ARHGAP6: variants seen among roughly 807,000 people sequenced by gnomAD.
ARHGAP6 encodes the protein rho GTPase-activating protein 6.
A neutral mutation model predicts 55.7 loss-of-function variants in ARHGAP6; 16 were observed. That is an observed-to-expected ratio of 0.29 (90% CI 0.19 to 0.44). The LOEUF is 0.44. Ranked by LOEUF, ARHGAP6 falls within the 20% of genes least tolerant of loss-of-function variation. ARHGAP6 has a pLI of 1.00. For missense variants in ARHGAP6, 698 were observed against 808.9 expected, an observed-to-expected ratio of 0.86 and a Z score of 1.66; for synonymous variants, 382 against 360.9, an observed-to-expected ratio of 1.06 and a Z score of -0.66.
intron 1 of ARHGAP6, among the ~76,000 whole-genome samples, chrX:11,288,139 TCCTTATTTATTATATC>T (rs1449139695): frequency 1.8e-5 from 2 of 112,929 alleles, no homozygotes; most frequent in African/African-American, 6.4e-5. Context: ...TCTTCTGCTG[TCCTTATTTATTATATC>T]CATTGTTCAT....
At chrX:11,604,421 TAGTGGCTCAAGTTTGAGTCACAA>T (rs774435273) in intron 1 of ARHGAP6, among the ~76,000 whole-genome samples, 37 of 111,893 alleles carry the variant, frequency 3.3e-4, no homozygotes, top group South Asian at 1.5e-3. Flanking sequence ...AACTGCCACA[TAGTGGCTCAAGTTTGAGTCACAA>T]AGTGGCTCAA....
chrX:11,230,258 C>T (rs1217338266), intron 2 of ARHGAP6, among the ~76,000 whole-genome samples: 1 of 111,709 alleles, frequency 9.0e-6, no homozygotes, highest in African/African-American at 3.3e-5. Flanking sequence ...AGTGCAGTGG[C>T]ATGATCTTGG....
At chrX:11,308,282 G>C (rs941526521) in intron 1 of ARHGAP6, among the ~76,000 whole-genome samples, 2 of 111,367 alleles carry the variant, frequency 1.8e-5, no homozygotes, top group Non-Finnish European at 3.8e-5. Flanking sequence ...TGAACACTTC[G>C]GTAACAATCT....
intron 1 of ARHGAP6, among the ~76,000 whole-genome samples, chrX:11,352,822 T>C (rs7049268): frequency 8.9e-6 from 1 of 111,899 alleles, no homozygotes; most frequent in Non-Finnish European, 1.9e-5. Context: ...ATATAATATA[T>C]GGATACACAC....
At chrX:11,259,074 G>T (rs2047525734) in intron 1 of ARHGAP6, among the ~76,000 whole-genome samples, 1 of 111,373 alleles carries the variant, frequency 9.0e-6, no homozygotes, top group African/African-American at 3.3e-5. Flanking sequence ...CAAATGGTAG[G>T]TCTTATTCAT....
At chrX:11,259,186 A>G (rs890454783) in intron 1 of ARHGAP6, among the ~76,000 whole-genome samples, 7 of 110,920 alleles carry the variant, frequency 6.3e-5, no homozygotes, top group African/African-American at 2.3e-4. Flanking sequence ...CTCTCTATCC[A>G]TGAGTTCAAT....
chrX:11,360,090 A>G (rs146187863), intron 1 of ARHGAP6, among the ~76,000 whole-genome samples: 6,630 of 111,341 alleles, frequency 0.06, 221 homozygotes, highest in African/African-American at 0.12. Context: ...AGGAGGAACC[A>G]GTACCATTCC....
chrX:11,393,153 G>A (rs1377096377), intron 1 of ARHGAP6, among the ~76,000 whole-genome samples: 1 of 111,434 alleles, frequency 9.0e-6, no homozygotes, highest in Non-Finnish European at 1.9e-5. Flanking sequence ...TGAATAATAA[G>A]TGATTTAAGA....
chrX:11,337,817 A>G (rs945833299), intron 1 of ARHGAP6, among the ~76,000 whole-genome samples: 1 of 112,581 alleles, frequency 8.9e-6, no homozygotes, highest in Non-Finnish European at 1.9e-5. Flanking sequence ...GTTAATAAAC[A>G]ACAGAGGTTT....
chrX:11,403,749 T>G (rs1300602254), intron 1 of ARHGAP6, among the ~76,000 whole-genome samples: 3 of 112,155 alleles, frequency 2.7e-5, no homozygotes, highest in Non-Finnish European at 5.6e-5. Flanking sequence ...TCAAATATAC[T>G]TCAAAACTGA....
intron 1 of ARHGAP6, among the ~76,000 whole-genome samples, chrX:11,473,439 G>A (rs1034734770): frequency 4.6e-5 from 5 of 108,638 alleles, no homozygotes; most frequent in Admixed American, 9.7e-5. Context: ...CATTGGATTC[G>A]GGAGGGCCCT....
intron 1 of ARHGAP6, among the ~76,000 whole-genome samples, chrX:11,388,336 G>T: frequency 8.9e-6 from 1 of 111,777 alleles, no homozygotes. Context: ...GTGTCTTTTG[G>T]CTGCATAAAT....
intron 1 of ARHGAP6, among the ~76,000 whole-genome samples, chrX:11,360,295 A>C: frequency 9.0e-6 from 1 of 111,597 alleles, no homozygotes; most frequent in Non-Finnish European, 1.9e-5. Flanking sequence ...GCACATCAAA[A>C]AGCTTATCCA....
intron 1 of ARHGAP6, among the ~76,000 whole-genome samples, chrX:11,590,910 GAAAGA>G (rs1556119233): frequency 2.4e-5 from 2 of 83,854 alleles, no homozygotes; most frequent in African/African-American, 9.5e-5. Flanking sequence ...AAGAAAGAAA[GAAAGA>G]AAAGAAAAGA....
intron 1 of ARHGAP6, among the ~76,000 whole-genome samples, chrX:11,358,778 G>C (rs773721945): frequency 9.0e-6 from 1 of 111,451 alleles, no homozygotes; most frequent in Admixed American, 9.6e-5. Context: ...CACCGTGCCC[G>C]GCCTTAACTA....
chrX:11,654,875 TATAA>T (rs2052621696), intron 1 of ARHGAP6, among the ~76,000 whole-genome samples: 1 of 112,401 alleles, frequency 8.9e-6, no homozygotes, highest in Non-Finnish European at 1.9e-5. Context: ...TTCTGAAAAT[TATAA>T]ATATCATTTT....
At chrX:11,157,334 T>C (rs1297205332) in intron 9 of ARHGAP6, among the ~76,000 whole-genome samples, 3 of 112,687 alleles carry the variant, frequency 2.7e-5, no homozygotes, top group Non-Finnish European at 3.7e-5. Flanking sequence ...TTTGCATATG[T>C]CACTTTATTA....
At chrX:11,555,542 T>A (rs146558487) in intron 1 of ARHGAP6, among the ~76,000 whole-genome samples, 1,398 of 110,168 alleles carry the variant, frequency 0.013, 20 homozygotes, top group African/African-American at 0.043. Context: ...TCACTTGAAT[T>A]CAGGAGTTTG....
At chrX:11,517,956 ACATGTAC>A in intron 1 of ARHGAP6, among the ~76,000 whole-genome samples, 1 of 111,124 alleles carries the variant, frequency 9.0e-6, no homozygotes, top group Admixed American at 9.6e-5. Context: ...GCACATCCGC[ACATGTAC>A]CCCGGAATTT....
Sources: allele counts gnomAD v4.1 joint callset (sites outside exome capture counted in the v4.1 genomes callset), GRCh38; gene constraint gnomAD v4.1.1; transcripts MANE v1.5; gene names NCBI Gene and HGNC (gene_info 2026-07-23, HGNC 2026-07-21).